Variants in CELF4 observed in about 807,000 individuals in gnomAD.
CELF4 encodes the protein CUG-BP- and ETR-3-like factor 4.
Under a neutral mutation model 59.9 loss-of-function variants are expected in CELF4, and 18 were observed. The observed-to-expected ratio is 0.30, with a 90% CI of 0.21 to 0.45. The LOEUF (loss-of-function observed/expected upper bound fraction) is 0.45, where lower values mean the gene tolerates loss of function less well. CELF4 is among the 20% of genes least tolerant of loss of function. The probability of loss-of-function intolerance (pLI) is 1.00; values close to 1 mark genes in which losing one functional copy is unlikely to be tolerated. For missense variants in CELF4, 456 were observed against 689.0 expected, an observed-to-expected ratio of 0.66 and a Z score of 3.79; for synonymous variants, 261 against 267.1, an observed-to-expected ratio of 0.98 and a Z score of 0.22.
chr18:37,315,456 GATGAGATAAAACCTGGTGGT>G (rs2096835166), intron 3 of CELF4, among the ~76,000 whole-genome samples: 1 of 152,114 alleles, frequency 6.6e-6, no homozygotes, highest in African/African-American at 2.4e-5. Context: ...ATTTCGTGTT[GATGAGATAAAACCTGGTGGT>G]CCCAGTCTGT....
chr18:37,285,330 C>A (rs972877647), intron 3 of CELF4, among the ~76,000 whole-genome samples: 1 of 152,216 alleles, frequency 6.6e-6, no homozygotes, highest in Non-Finnish European at 1.5e-5. Context: ...CCTCTCTCGT[C>A]GTCACGCAGG....
intron 2 of CELF4, among the ~76,000 whole-genome samples, chr18:37,333,012 T>C (rs531955126): frequency 1.9e-4 from 29 of 152,324 alleles, no homozygotes; most frequent in African/African-American, 6.5e-4. Context: ...GCCGGCATGG[T>C]CGGCTGGGTC....
At chr18:37,552,246 G>A (rs961626992) in intron 1 of CELF4, among the ~76,000 whole-genome samples, 3 of 152,202 alleles carry the variant, frequency 2.0e-5, no homozygotes, top group Non-Finnish European at 2.9e-5. Flanking sequence ...CCACCTTGTC[G>A]GAACAGAGCC....
intron 2 of CELF4, among the ~76,000 whole-genome samples, chr18:37,391,631 T>TCA (rs2099162910): frequency 6.6e-6 from 1 of 152,210 alleles, no homozygotes. Context: ...TCCTGACCCA[T>TCA]GGCATGGCGA....
intron 2 of CELF4, among the ~76,000 whole-genome samples, chr18:37,351,731 C>G (rs538828707): frequency 2.0e-4 from 31 of 151,950 alleles, no homozygotes; most frequent in Admixed American, 1.2e-3. Flanking sequence ...CTGCCTCAGC[C>G]TCTTGAGTAG....
intron 10 of CELF4, among the ~76,000 whole-genome samples, chr18:37,259,623 G>C (rs1411618891): frequency 6.6e-6 from 1 of 152,162 alleles, no homozygotes; most frequent in Non-Finnish European, 1.5e-5. Context: ...GAAGGCCCAG[G>C]AGATCCGGGA....
intron 3 of CELF4, among the ~76,000 whole-genome samples, chr18:37,288,625 C>A (rs2095047672): frequency 6.6e-6 from 1 of 152,172 alleles, no homozygotes; most frequent in Non-Finnish European, 1.5e-5. Flanking sequence ...AGAAGGCATC[C>A]CCCTGCCCTG....
At chr18:37,565,290 C>T (rs1190408430) in intron 1 of CELF4, 66 bp downstream of exon 1, 1 of 1,457,296 alleles carries the variant, frequency 6.9e-7, no homozygotes, top group Admixed American at 2.4e-5. Context: ...CAGTCGCCGG[C>T]CGGCCGGTCG....
chr18:37,487,628 T>G (rs1409678333), intron 1 of CELF4, among the ~76,000 whole-genome samples: 1 of 152,148 alleles, frequency 6.6e-6, no homozygotes, highest in Non-Finnish European at 1.5e-5. Flanking sequence ...GGGGCGTCTT[T>G]CCTCCCGTCC....
intron 1 of CELF4, among the ~76,000 whole-genome samples, chr18:37,534,549 A>G (rs1442779851): frequency 1.3e-5 from 2 of 152,206 alleles, no homozygotes; most frequent in Non-Finnish European, 1.5e-5. Context: ...AACTGATTTC[A>G]GCTCAGTCAA....
chr18:37,363,259 G>A (rs577081748), intron 2 of CELF4, among the ~76,000 whole-genome samples: 4 of 152,188 alleles, frequency 2.6e-5, no homozygotes, highest in Admixed American at 6.5e-5. Flanking sequence ...GTAGCCTCCC[G>A]ACAAAGGAAG....
chr18:37,312,997 G>A (rs759717193), intron 3 of CELF4, among the ~76,000 whole-genome samples: 5 of 152,334 alleles, frequency 3.3e-5, no homozygotes, highest in Non-Finnish European at 4.4e-5. Context: ...CCCACCTTTC[G>A]GAGGCCTCTG....
chr18:37,450,991 G>C (rs368369293), intron 2 of CELF4, among the ~76,000 whole-genome samples: 2 of 152,138 alleles, frequency 1.3e-5, no homozygotes, highest in African/African-American at 4.8e-5. Context: ...GGCTGTGGGC[G>C]CCTTTGTCAA....
At chr18:37,459,781 G>T in intron 2 of CELF4, among the ~76,000 whole-genome samples, 1 of 152,118 alleles carries the variant, frequency 6.6e-6, no homozygotes, top group Non-Finnish European at 1.5e-5. Context: ...TGTTGTGCAA[G>T]GTTGTCGTTG....
intron 3 of CELF4, among the ~76,000 whole-genome samples, chr18:37,284,318 A>G (rs2094519761): frequency 6.6e-6 from 1 of 151,974 alleles, no homozygotes; most frequent in South Asian, 2.1e-4. Context: ...ATACACACAC[A>G]CACACCCCTT....
At chr18:37,266,385 G>T in intron 9 of CELF4, 148 bp downstream of exon 9, 1 of 833,860 alleles carries the variant, frequency 1.2e-6, no homozygotes, top group Admixed American at 2.2e-5. Flanking sequence ...CAGCCTGGAG[G>T]GTCTCTGCCA....
chr18:37,461,275 C>T (rs922275575), intron 2 of CELF4, among the ~76,000 whole-genome samples: 3 of 152,204 alleles, frequency 2.0e-5, no homozygotes, highest in African/African-American at 4.8e-5. Flanking sequence ...CTAATAAAGA[C>T]ATACCTAAGA....
intron 2 of CELF4, among the ~76,000 whole-genome samples, chr18:37,373,574 T>C (rs4799445): frequency 0.4 from 61,397 of 152,104 alleles, 13,479 homozygotes; most frequent in South Asian, 0.63. Flanking sequence ...ACCCCAGTCA[T>C]GTGAGAGGAG....
chr18:37,292,547 G>A (rs1260029528), intron 3 of CELF4, among the ~76,000 whole-genome samples: 1 of 152,210 alleles, frequency 6.6e-6, no homozygotes, highest in African/African-American at 2.4e-5. Flanking sequence ...GACACCGGAA[G>A]TGACGCGGGC....
Sources: gnomAD v4.1 joint callset for allele counts (sites outside exome capture counted in the v4.1 genomes callset) on GRCh38, gnomAD v4.1.1 for gene constraint, MANE v1.5 for transcripts, NCBI Gene and HGNC (gene_info 2026-07-23, HGNC 2026-07-21) for gene names.